SH3D21: variants seen among roughly 807,000 people sequenced by gnomAD.
The protein encoded by SH3D21 is SH3 domain-containing protein 21.
A neutral mutation model predicts 82.1 loss-of-function variants in SH3D21; 83 were observed. The ratio of observed to expected loss-of-function variants is 1.01; its 90% CI spans 0.85 to 1.21. The LOEUF (loss-of-function observed/expected upper bound fraction) is 1.21, where lower values mean the gene tolerates loss of function less well. Among genes scored for constraint, SH3D21 ranks in the 50% most tolerant of loss-of-function variants. The pLI, the probability that SH3D21 is intolerant of heterozygous loss-of-function variation, is 0.00. For synonymous variants in SH3D21, 383 were observed against 387.8 expected (o/e 0.99, Z 0.15); for missense variants, 980 against 962.1 (o/e 1.02, Z -0.25).
Position 36,307,882 on chromosome 1 carries a change from G to A in SH3D21, c.493-36G>A. On this transcript the variant is annotated intron_variant, in intron 6 of 15. Coordinates refer to ENST00000453908, the MANE Select transcript of SH3D21 (RefSeq NM_001162530.2). This position sits in a 1 kb window ranked among gnomAD's most constrained non-coding sequence, Gnocchi z 5.4. The stretch of plus-strand genomic sequence containing the variant: ...TGAGTTCCTCTTGGGGTGGTTGGAG[G>A]CTCATCTAGTTCCTCCCTGCCCCTT... 1.9e-6 allele frequency: 3 copies of A among 1,551,654 alleles called. No individual in the cohort carries two copies. The highest frequency in any genetic ancestry group is 2.6e-6 in the Non-Finnish European group (3 of 1,146,986).
rs1646159848 is a variant in SH3D21, at chr1:36,307,790, C to T, written c.457C>T (p.Pro153Ser). The change falls in exon 6 of 16, where the codon CCT becomes TCT. Residue 153 changes from proline (P) to serine (S), a missense_variant. Transcript: ENST00000453908. This position sits in a 1 kb window ranked among gnomAD's most constrained non-coding sequence, Gnocchi z 5.4. ...GPPSLGNPDM[P>S]SVSPGPQRPP... ...ACTAGGCCTTGGTAACCCAGACATG[C>T]CTTCAGTCAGCCCTGGTCCCCAGCG... 6 of 1,551,828 alleles carry T rather than the reference C, an allele frequency of 3.9e-6. No homozygotes were observed. The highest frequency in any genetic ancestry group is 1.7e-4 in the Middle Eastern group (1 of 5,992).
chr1:36,324,554 G>T (rs1210039416), downstream of SH3D21: 1 of 152,244 alleles, frequency 6.6e-6, no homozygotes, highest in East Asian at 1.9e-4. Context: ...GAGGAAAGGG[G>T]GAGAGGAAAT....
At chr1:36,319,009 C>T in intron 10 of SH3D21, 62 bp from the exon 11 acceptor site, 1 of 1,017,576 alleles carries the variant, frequency 9.8e-7, no homozygotes, top group Non-Finnish European at 1.5e-6. Flanking sequence ...GTCCCCTGCA[C>T]ACAGCACAAG....
Position 36,307,044 on chromosome 1 carries a change from G to A in SH3D21, c.227-123G>A. ...CCTGCGGTCTGTGATTGGTTCTCGA[G>A]TGCAATGCTCCGCCCTGGGGCGGGG... On this transcript the variant is annotated intron_variant, in intron 3 of 15. Coordinates refer to ENST00000453908, the MANE Select transcript of SH3D21 (RefSeq NM_001162530.2). The surrounding 1 kb of genome is among the most constrained non-coding windows in gnomAD (Gnocchi z 5.4). 2 of 1,469,038 alleles carry A rather than the reference G, an allele frequency of 1.4e-6. No homozygotes were observed. The highest frequency in any genetic ancestry group is 1.4e-5 in the South Asian group (1 of 71,898). 91.0% of individuals were successfully genotyped at this position (1,469,038 alleles called of 1,614,324 possible).
At chr1:36,327,600 T>C, downstream of SH3D21, 1 of 1,100,130 alleles carries the variant, frequency 9.1e-7, no homozygotes, top group Non-Finnish European at 1.2e-6. Context: ...ATGTGACATA[T>C]GTGTTTGGAG....
Position 36,308,457 on chromosome 1 carries a change from T to C in SH3D21, c.708T>C (p.Phe236=). The change falls in exon 9 of 16, where the codon TTT becomes TTC. Residue 236 remains phenylalanine (F), a synonymous_variant. Coordinates refer to ENST00000453908, the MANE Select transcript of SH3D21 (RefSeq NM_001162530.2). ...GAAGAGGAGTTTTTCCAGACAACTT[T>C]GTACTCCCACCACCCCCAGTGAGTA... The part of the protein sequence containing the change: ...QGRRGVFPDN[F]VLPPPPIKKL... 1 of 1,551,724 alleles carries C rather than the reference T, an allele frequency of 6.4e-7. No individual in the cohort carries two copies. The highest frequency in any genetic ancestry group is 1.2e-5 in the South Asian group (1 of 84,042).
chr1:36,319,780 A>T lies in SH3D21; in HGVS notation c.1117A>T (p.Ser373Cys), dbSNP rs1646412606. The T allele has an allele frequency of 1.2e-6, 2 of 1,612,770 alleles. No individual in the cohort carries two copies. The highest frequency in any genetic ancestry group is 1.7e-6 in the Non-Finnish European group (2 of 1,179,574). ...ERPPAPENAP[S>C]SKKIPAPDKV... ...GCCCCCAGCTCCAGAGAACGCCCCC[A>T]GCTCCAAGAAGATCCCGGCTCCTGA... The change falls in exon 14 of 16, where the codon AGC becomes TGC. Residue 373 changes from serine to cysteine, a missense_variant. By Grantham distance (112) the Ser-to-Cys change is moderately radical. Coordinates refer to ENST00000453908, the MANE Select transcript of SH3D21 (RefSeq NM_001162530.2).
At position 36,321,137 on chromosome 1, in the gene SH3D21, T is replaced by G; in HGVS notation, c.*10T>G. 6.2e-7 allele frequency: 1 copy of G among 1,609,078 alleles called. No individual in the cohort carries two copies. The highest frequency in any genetic ancestry group is 8.5e-7 in the Non-Finnish European group (1 of 1,178,106). On this transcript the variant is annotated 3_prime_UTR_variant, in exon 16 of 16. Transcript: ENST00000453908. The surrounding 1 kb of genome is among the most constrained non-coding windows in gnomAD (Gnocchi z 6.1). ...GACGCAGACCTACTGAGGGTGGGCC[T>G]GGGAAGGGACCGCGGCCTGACCTGG...
At chr1:36,313,965 A>ATTTTTTTTTTTTTTTTTTTTTT (rs1310971892) in intron 10 of SH3D21, among the ~76,000 whole-genome samples, 1 of 56,276 alleles carries the variant, frequency 1.8e-5, no homozygotes, top group African/African-American at 5.1e-5. Flanking sequence ...GATGCTGAAC[A>ATTTTTTTTTTTTTTTTTTTTTT]TATTTTCTTT....
downstream of SH3D21, chr1:36,323,108 G>A (rs144784787): frequency 8.2e-4 from 1,253 of 1,529,666 alleles, 19 homozygotes; most frequent in East Asian, 0.022. Flanking sequence ...CCAGCCTGGA[G>A]CCCACCCCGA....
At chr1:36,314,757 G>T (rs138186097) in intron 10 of SH3D21, among the ~76,000 whole-genome samples, 4 of 152,018 alleles carry the variant, frequency 2.6e-5, no homozygotes, top group Non-Finnish European at 4.4e-5. Context: ...CACTTTCTTC[G>T]ATGGTGTCCC....
At chr1:36,309,708 AC>A in intron 10 of SH3D21, 118 bp downstream of exon 10, 1 of 1,116,674 alleles carries the variant, frequency 9.0e-7, no homozygotes, top group East Asian at 2.6e-5. Flanking sequence ...GAGCCCCCTC[AC>A]CTGTGGGTCA....
Position 36,319,152 on chromosome 1 carries a change from C to T in SH3D21, c.851C>T (p.Pro284Leu). The change falls in exon 11 of 16, where the codon CCC becomes CTC. Residue 284 changes from proline to leucine, a missense_variant. Pro to Leu is a moderately conservative substitution (Grantham distance 98, BLOSUM62 -3). Transcript: ENST00000453908. ...VKKLATATTG[P>L]SKAKTSRTPS... ...AAGCTAGCAACAGCCACCACTGGGC[C>T]CAGCAAAGCCAAGTAAGGAGCAGGA... 1 of 1,551,462 alleles carries T rather than the reference C, an allele frequency of 6.4e-7. No individual in the cohort carries two copies. Among genetic ancestry groups the T allele is most frequent in the East Asian group, 2.4e-5 (1 of 40,904 alleles).
downstream of SH3D21, among the ~76,000 whole-genome samples, chr1:36,327,538 A>G (rs1472925815): frequency 6.6e-6 from 1 of 152,150 alleles, no homozygotes; most frequent in African/African-American, 2.4e-5. Flanking sequence ...TGTGCTACGC[A>G]GCTCTCTGTA....
In SH3D21 at chr1:36,320,603, C is replaced by T. The variant is rs1173782744; in HGVS notation, c.1940C>T (p.Pro647Leu). 1 of 1,614,078 alleles carries T rather than the reference C, an allele frequency of 6.2e-7. No homozygotes were observed. The highest frequency in any genetic ancestry group is 8.5e-7 in the Non-Finnish European group (1 of 1,180,056). Residue 647 changes from proline (P) to leucine (L), a missense_variant, in exon 14 of 16, where the codon CCC becomes CTC. Coordinates refer to ENST00000453908, the MANE Select transcript of SH3D21 (RefSeq NM_001162530.2). ...GAAGTGGCTCCAAAAGAGGAGGTGC[C>T]CCCCATAGAAAGAGCCTTTGCCCAA... The part of the protein sequence containing the change: ...KEEVAPKEEV[P>L]PIERAFAQKT...
At chr1:36,327,028 T>C (rs1646552425), downstream of SH3D21, among the ~76,000 whole-genome samples, 1 of 152,164 alleles carries the variant, frequency 6.6e-6, no homozygotes, top group Admixed American at 6.5e-5. Flanking sequence ...CAGAAGTGGA[T>C]GAGACCGAAC....
chr1:36,322,313 G>C, downstream of SH3D21: 10 of 1,548,642 alleles, frequency 6.5e-6, no homozygotes, highest in Non-Finnish European at 7.8e-6. Context: ...AGTGCATGCG[G>C]CCCAGGGTGC....
rs375422209 is a variant in SH3D21 at position 36,307,102 on chromosome 1, C to T, written c.227-65C>T. 3 of 1,542,620 alleles carry T rather than the reference C, an allele frequency of 1.9e-6. 1 individual carries two copies. The South Asian group carries it at 3.6e-5, about 19-fold the overall frequency. On this transcript the variant is annotated intron_variant, in intron 3 of 15. Coordinates refer to ENST00000453908, the MANE Select transcript of SH3D21 (RefSeq NM_001162530.2). The surrounding 1 kb of genome is among the most constrained non-coding windows in gnomAD (Gnocchi z 5.4). The stretch of plus-strand genomic sequence containing the variant: ...GACCAAAGGCTACGTGCGCGCCTTG[C>T]GCTTCCCCCAGCTCCTCTGACTGGG...
rs968166328 is a variant in SH3D21, at chr1:36,306,992, C to T, written c.226+87C>T. On this transcript the variant is annotated intron_variant, in intron 3 of 15. Coordinates refer to ENST00000453908, the MANE Select transcript of SH3D21 (RefSeq NM_001162530.2). The surrounding 1 kb of genome is among the most constrained non-coding windows in gnomAD (Gnocchi z 4.5). ...CGTCTCCGGCTCTTAGTGACGGGCG[C>T]GGCTCTGGGCGGGACCTCGGGGCCG... 51 of 1,385,206 alleles carry T rather than the reference C, an allele frequency of 3.7e-5. No individual in the cohort carries two copies. The Admixed American group carries it at 1.4e-3, about 38-fold the overall frequency. The allele number at this position is 1,385,206 out of a possible 1,614,324, so 85.8% of individuals were successfully genotyped here.
Sources: allele counts gnomAD v4.1 joint callset (sites outside exome capture counted in the v4.1 genomes callset), GRCh38; gene constraint gnomAD v4.1.1; non-coding constraint Gnocchi (gnomAD v3.1); transcripts MANE v1.5; gene names NCBI Gene and HGNC (gene_info 2026-07-23, HGNC 2026-07-21).